The following CCDC7 variants were observed in gnomAD, a reference collection of about 807,000 sequenced individuals.
The protein encoded by CCDC7 is coiled-coil domain-containing protein 7.
In CCDC7, 183 loss-of-function variants were observed where a neutral mutation model predicts 196.9. That is an observed-to-expected ratio of 0.93 (90% CI 0.82 to 1.05). The LOEUF (loss-of-function observed/expected upper bound fraction) is 1.05. CCDC7 is among the 50% of genes least tolerant of loss of function. The pLI is 0.00. For synonymous variants in CCDC7, 525 were observed against 484.6 expected, an observed-to-expected ratio of 1.08 and a Z score of -1.10; for missense variants, 1,540 against 1,482.2, an observed-to-expected ratio of 1.04 and a Z score of -0.64.
chr10:32,694,941 G>C (rs1490187522), exon 24 of CCDC7: 1 of 1,606,300 alleles, frequency 6.2e-7, no homozygotes, highest in African/African-American at 1.3e-5. Context: ...GTCAAAACTG[G>C]AAATGCAAAT....
At chr10:32,813,507 A>G (rs985110197) in intron 30 of CCDC7, among the ~76,000 whole-genome samples, 1 of 152,210 alleles carries the variant, frequency 6.6e-6, no homozygotes, top group African/African-American at 2.4e-5. Context: ...ATTTACAATT[A>G]CATAACGTAA....
intron 29 of CCDC7, among the ~76,000 whole-genome samples, chr10:32,782,771 A>C (rs964139905): frequency 1.1e-4 from 16 of 152,238 alleles, no homozygotes; most frequent in African/African-American, 3.9e-4. Context: ...TACAGTAATC[A>C]AAAGAGTGAT....
At chr10:32,649,163 G>T (rs1046979472) in intron 20 of CCDC7, among the ~76,000 whole-genome samples, 4 of 152,164 alleles carry the variant, frequency 2.6e-5, no homozygotes, top group African/African-American at 9.7e-5. Context: ...TGTGGGAGTT[G>T]TGGTGGGAGG....
At chr10:32,848,048 ATTAG>A (rs1391949765) in intron 38 of CCDC7, 132 bp downstream of exon 39, 22 of 529,418 alleles carry the variant, frequency 4.2e-5, no homozygotes, top group African/African-American at 1.2e-4. Flanking sequence ...TTCTCATATA[ATTAG>A]TTAAACTCTC....
At chr10:32,578,194 A>C (rs2058407671) in intron 16 of CCDC7, among the ~76,000 whole-genome samples, 1 of 151,930 alleles carries the variant, frequency 6.6e-6, no homozygotes, top group Non-Finnish European at 1.5e-5. Flanking sequence ...CCAGGTGTAA[A>C]ATGTGATATC....
chr10:32,770,354 CT>C (rs2078988051), intron 28 of CCDC7, among the ~76,000 whole-genome samples: 2 of 152,238 alleles, frequency 1.3e-5, no homozygotes, highest in Admixed American at 1.3e-4. Flanking sequence ...AAATTTCCAT[CT>C]TAATTTCGTT....
At position 32,845,349 on chromosome 10, in the gene CCDC7, T is replaced by A. The variant is rs547313656; in HGVS notation, c.3436+23T>A. The A allele has an allele frequency of 1.0e-5, 15 of 1,493,582 alleles. No individual in the cohort carries two copies. The African/African-American group carries it at 2.0e-4, about 19-fold the overall frequency. The allele number at this position is 1,493,582 out of a possible 1,614,324, so 92.5% of individuals were successfully genotyped here. A position where few individuals can be genotyped will look rare whatever the true frequency, so the allele number is the denominator to read the frequency against. On this transcript the variant is annotated intron_variant, in intron 34 of 41. Coordinates refer to ENST00000639629, the Ensembl canonical transcript of CCDC7. The stretch of plus-strand genomic sequence containing the variant: ...AAAGTAAGAAAAAGAATTTTTCACA[T>A]CTAATATTTATGGCTGATTGATATT...
intron 28 of CCDC7, among the ~76,000 whole-genome samples, chr10:32,739,701 G>A (rs1320812554): frequency 6.6e-6 from 1 of 150,382 alleles, no homozygotes; most frequent in East Asian, 1.9e-4. Flanking sequence ...TGTTGTTGTT[G>A]TTGAAATCTA....
chr10:32,571,905 T>C lies in CCDC7; in HGVS notation c.1454+12T>C, dbSNP rs1256606662. On this transcript the variant is annotated intron_variant, in intron 16 of 41. Transcript: ENST00000639629. ...CTGATTGAAAAGAGGTAAAACACTTTTTAAAAATTTGTTCCCTCATTTTCT... is the reference window on the plus strand; with the variant it reads ...CTGATTGAAAAGAGGTAAAACACTTCTTAAAAATTTGTTCCCTCATTTTCT... 11 of 1,567,738 alleles carry C rather than the reference T, an allele frequency of 7.0e-6. No individual in the cohort carries two copies. Among genetic ancestry groups the C allele is most frequent in the Admixed American group, 1.9e-5 (1 of 52,470 alleles).
At chr10:32,650,702 C>T (rs530233252) in intron 20 of CCDC7, among the ~76,000 whole-genome samples, 1 of 152,270 alleles carries the variant, frequency 6.6e-6, no homozygotes, top group East Asian at 1.9e-4. Flanking sequence ...GCACAAATCT[C>T]AGCTCAACCC....
chr10:32,566,731 G>C (rs532043677), intron 14 of CCDC7, among the ~76,000 whole-genome samples: 1 of 151,602 alleles, frequency 6.6e-6, no homozygotes, highest in African/African-American at 2.4e-5. Flanking sequence ...GGGCAACATA[G>C]TGAAACCCTG....
chr10:32,632,924 C>G (rs1014906921), intron 18 of CCDC7, among the ~76,000 whole-genome samples: 3 of 152,086 alleles, frequency 2.0e-5, no homozygotes, highest in South Asian at 2.1e-4. Context: ...TTGGGTGGAG[C>G]CTTCTATGGG....
At chr10:32,501,141 C>G (rs1184553318) in intron 9 of CCDC7, among the ~76,000 whole-genome samples, 1 of 152,212 alleles carries the variant, frequency 6.6e-6, no homozygotes, top group African/African-American at 2.4e-5. Context: ...TCTTCAATCT[C>G]TGATATCCTT....
intron 32 of CCDC7, among the ~76,000 whole-genome samples, chr10:32,829,410 CCTT>C (rs1458172506): frequency 2.6e-5 from 4 of 152,200 alleles, no homozygotes; most frequent in Admixed American, 2.0e-4. Context: ...AGTATTTCCT[CCTT>C]CTTTTGTTAA....
Position 32,497,780 on chromosome 10 carries a change from T to C in CCDC7, c.872+5783T>C, listed in dbSNP as rs531472628. Among the ~76,000 whole-genome samples, 86 of 152,356 alleles carry C rather than the reference T, an allele frequency of 5.6e-4. No homozygotes were observed. The Middle Eastern group carries it at 0.014, about 24-fold the overall frequency. The stretch of plus-strand genomic sequence containing the variant: ...GACTTGTTTGTTATGATTTCTGTTC[T>C]CTTGCATTTGCTGAGGAGTATTTTA... On this transcript the variant is annotated intron_variant, in intron 9 of 41. Coordinates refer to ENST00000639629, the Ensembl canonical transcript of CCDC7.
chr10:32,574,609 T>C (rs974555128), intron 16 of CCDC7: 2 of 625,720 alleles, frequency 3.2e-6, no homozygotes, highest in Non-Finnish European at 4.5e-6. Context: ...TAGTGGTAAA[T>C]AGTTAATCAA....
At chr10:32,745,228 TAAGTC>T (rs980721696) in intron 28 of CCDC7, among the ~76,000 whole-genome samples, 2 of 152,346 alleles carry the variant, frequency 1.3e-5, no homozygotes, top group South Asian at 2.1e-4. Context: ...TAGCTAATAA[TAAGTC>T]AGTCATCTAA....
chr10:32,497,843 G>A (rs2043158109), intron 9 of CCDC7, among the ~76,000 whole-genome samples: 1 of 152,206 alleles, frequency 6.6e-6, no homozygotes, highest in African/African-American at 2.4e-5. Flanking sequence ...TAAGTGCAAT[G>A]TGGTGTTGAG....
At position 32,726,716 on chromosome 10, in the gene CCDC7, A is replaced by C. The variant is rs2083183475; in HGVS notation, c.2570-18A>C. On this transcript the variant is annotated intron_variant, in intron 25 of 41. Coordinates refer to ENST00000639629, the Ensembl canonical transcript of CCDC7. Reference sequence around the variant, plus strand: ...TTTAGCGGACTAAATGTATCTCTTTATGTGGTTCATTTTGTAGTACCAGAT... The same window carrying C: ...TTTAGCGGACTAAATGTATCTCTTTCTGTGGTTCATTTTGTAGTACCAGAT... The C allele has an allele frequency of 7.1e-7, 1 of 1,409,870 alleles. No individual in the cohort carries two copies. The highest frequency in any genetic ancestry group is 1.0e-6 in the Non-Finnish European group (1 of 1,001,572). The allele number at this position is 1,409,870 out of a possible 1,614,324, so 87.3% of individuals were successfully genotyped here.
Sources: allele counts gnomAD v4.1 joint callset (sites outside exome capture counted in the v4.1 genomes callset), GRCh38; gene constraint gnomAD v4.1.1; transcripts MANE v1.5; gene names NCBI Gene and HGNC (gene_info 2026-07-23, HGNC 2026-07-21).